The following PTPRD variants were observed in gnomAD, a reference collection of about 807,000 sequenced individuals.
PTPRD encodes receptor-type tyrosine-protein phosphatase delta.
In PTPRD, 34 loss-of-function variants were observed where a neutral mutation model predicts 214.5. The observed-to-expected ratio is 0.16, with a 90% CI of 0.12 to 0.21. The LOEUF (loss-of-function observed/expected upper bound fraction) is 0.21. PTPRD is among the 10% of genes least tolerant of loss of function. The pLI, the probability that PTPRD is intolerant of heterozygous loss-of-function variation, is 1.00. For synonymous variants in PTPRD, 1,128 were observed against 845.7 expected (o/e 1.33, Z -5.79); for missense variants, 2,545 against 2,398.7 (o/e 1.06, Z -1.27).
chr9:9,463,784 A>C (rs923746664), intron 8 of PTPRD, among the ~76,000 whole-genome samples: 1 of 151,856 alleles, frequency 6.6e-6, no homozygotes, highest in African/African-American at 2.4e-5. Context: ...TCTTTTGAAT[A>C]AACACAGAAG....
At position 9,028,275 on chromosome 9, in the gene PTPRD, C is replaced by T. The variant is rs1026163076; in HGVS notation, c.-142-9540G>A. ...TTGAAGCTCACTAAATTATGTCTTC[C>T]GTAATACTATTATGCTCACCATATT... is the stretch of plus-strand genomic sequence containing the variant. On this transcript the variant is annotated intron_variant, in intron 10 of 45. Transcript: ENST00000381196. Among the ~76,000 whole-genome samples the T allele has an allele frequency of 9.2e-5, 14 of 151,992 alleles. No individual in the cohort carries two copies. The East Asian group carries it at 9.7e-4, about 11-fold the overall frequency.
chr9:9,768,711 T>G (rs995134222), intron 5 of PTPRD, among the ~76,000 whole-genome samples: 1 of 152,160 alleles, frequency 6.6e-6, no homozygotes, highest in Non-Finnish European at 1.5e-5. Flanking sequence ...AACAAAGTTT[T>G]CCACAGGTCA....
At chr9:9,912,472 C>A (rs73402615) in intron 5 of PTPRD, among the ~76,000 whole-genome samples, 2,810 of 152,194 alleles carry the variant, frequency 0.018, 84 homozygotes, top group African/African-American at 0.065. Flanking sequence ...GTTCTTTTTG[C>A]CATATGAATT....
chr9:10,059,084 T>C (rs1212506649), intron 3 of PTPRD, among the ~76,000 whole-genome samples: 4 of 152,136 alleles, frequency 2.6e-5, no homozygotes, highest in Non-Finnish European at 5.9e-5. Context: ...TCAGTGAGAA[T>C]GTGTAGAGGC....
chr9:8,670,547 C>T (rs2097262254), intron 12 of PTPRD, among the ~76,000 whole-genome samples: 1 of 152,204 alleles, frequency 6.6e-6, no homozygotes, highest in African/African-American at 2.4e-5. Context: ...TGCTTCACAA[C>T]AGTAACCACT....
chr9:9,587,213 A>C (rs1294997985), intron 7 of PTPRD, among the ~76,000 whole-genome samples: 1 of 152,018 alleles, frequency 6.6e-6, no homozygotes, highest in African/African-American at 2.4e-5. Context: ...AGGAGGCCTA[A>C]ATAATAATTA....
rs1593670761 is a variant in PTPRD, at chr9:8,557,440, A to AAATG, written c.353-28662_353-28661insCATT. Reference sequence around the variant, plus strand: ...TTATTTTTCATTTGTAAATACATATATATATATATATATATATTTGGGCCG... The same window carrying AAATG: ...TTATTTTTCATTTGTAAATACATATAAATGTATATATATATATATATTTGGGCCG... On this transcript the variant is annotated intron_variant, in intron 14 of 45. Transcript: ENST00000381196. 2.2e-5 allele frequency among the ~76,000 whole-genome samples: 3 copies of AAATG among 138,246 alleles called. No individual in the cohort carries two copies. The East Asian group carries it at 5.9e-4, about 27-fold the overall frequency. 90.7% of individuals were successfully genotyped at this position (138,246 alleles called of 152,430 possible).
intron 7 of PTPRD, among the ~76,000 whole-genome samples, chr9:9,582,031 C>G (rs2090933654): frequency 6.6e-6 from 1 of 152,078 alleles, no homozygotes; most frequent in South Asian, 2.1e-4. Flanking sequence ...CAATTGCATT[C>G]TATAATCTCT....
intron 3 of PTPRD, among the ~76,000 whole-genome samples, chr9:10,265,244 G>T (rs993253920): frequency 1.3e-5 from 2 of 152,096 alleles, no homozygotes; most frequent in Non-Finnish European, 2.9e-5. Context: ...GCTGCTTTTG[G>T]AAGTCCTACA....
intron 13 of PTPRD, among the ~76,000 whole-genome samples, chr9:8,635,576 T>C (rs889520953): frequency 1.3e-5 from 2 of 152,116 alleles, no homozygotes; most frequent in African/African-American, 2.4e-5. Context: ...CTCTATACAT[T>C]TGAACCCCTG....
chr9:9,258,107 A>AGAT (rs2099978537), intron 9 of PTPRD, among the ~76,000 whole-genome samples: 1 of 150,490 alleles, frequency 6.6e-6, no homozygotes, highest in Non-Finnish European at 1.5e-5. Context: ...ATAGATAGAT[A>AGAT]GATAGATAGA....
chr9:8,537,135 C>T (rs1418422471), intron 14 of PTPRD, among the ~76,000 whole-genome samples: 2 of 151,850 alleles, frequency 1.3e-5, no homozygotes, highest in Admixed American at 1.3e-4. Flanking sequence ...TATTCAAAGT[C>T]AATTTTCCTG....
chr9:10,333,510 G>T (rs896717035), intron 3 of PTPRD, among the ~76,000 whole-genome samples: 1 of 151,720 alleles, frequency 6.6e-6, no homozygotes, highest in African/African-American at 2.4e-5. Flanking sequence ...CATTTAATTG[G>T]CTGCCCTGAA....
rs538076247 is a variant in PTPRD, at chr9:9,591,222, G to C, written c.-286-16441C>G. ...TCAGAGAGATTGAAAGCGTGAGAGG[G>C]AGGAACCTGCCATTCCTGCGGTGGG... On this transcript the variant is annotated intron_variant, in intron 7 of 45. Transcript: ENST00000381196. Among the ~76,000 whole-genome samples, 206 of 130,528 alleles carry C rather than the reference G, an allele frequency of 1.6e-3. 2 individuals carry two copies. Among genetic ancestry groups the C allele is most frequent in the Non-Finnish European group, 1.6e-3 (97 of 59,030 alleles). The allele number at this position is 130,528 out of a possible 152,430, so 85.6% of individuals were successfully genotyped here. A position where few individuals can be genotyped will look rare whatever the true frequency, so the allele number is the denominator to read the frequency against.
At chr9:8,484,763 T>A (rs1214964062) in intron 29 of PTPRD, among the ~76,000 whole-genome samples, 1 of 152,186 alleles carries the variant, frequency 6.6e-6, no homozygotes, top group Non-Finnish European at 1.5e-5. Context: ...TTTCTAAATA[T>A]ACTTTTACTT....
At chr9:9,182,236 G>C (rs914849185) in intron 10 of PTPRD, among the ~76,000 whole-genome samples, 2 of 151,958 alleles carry the variant, frequency 1.3e-5, no homozygotes, top group Admixed American at 6.6e-5. Context: ...GATTTCTGAA[G>C]GACCTTTGTG....
At chr9:8,394,282 C>T (rs2135919863) in intron 36 of PTPRD, among the ~76,000 whole-genome samples, 1 of 151,816 alleles carries the variant, frequency 6.6e-6, no homozygotes, top group East Asian at 1.9e-4. Context: ...GGGGTGTTTA[C>T]AATGATGAGG....
intron 14 of PTPRD, among the ~76,000 whole-genome samples, chr9:8,531,720 ACTTTT>A (rs2075746642): frequency 6.6e-6 from 1 of 152,112 alleles, no homozygotes; most frequent in South Asian, 2.1e-4. Flanking sequence ...GCTAGTCATT[ACTTTT>A]CTTCTACAAG....
chr9:8,457,669 T>C (rs2096255310), intron 33 of PTPRD, among the ~76,000 whole-genome samples: 1 of 152,138 alleles, frequency 6.6e-6, no homozygotes, highest in Non-Finnish European at 1.5e-5. Flanking sequence ...TTGCTAATGC[T>C]AGCATCTTAG....
Sources: gnomAD v4.1 joint callset for allele counts (sites outside exome capture counted in the v4.1 genomes callset) on GRCh38, gnomAD v4.1.1 for gene constraint, MANE v1.5 for transcripts, NCBI Gene and HGNC (gene_info 2026-07-23, HGNC 2026-07-21) for gene names.